Variants in PGM2L1 observed in about 807,000 individuals in gnomAD.
PGM2L1 encodes glucose 1,6-bisphosphate synthase.
Under a neutral mutation model 73.4 loss-of-function variants are expected in PGM2L1, and 35 were observed. The ratio of observed to expected loss-of-function variants is 0.48; its 90% CI spans 0.36 to 0.63. The LOEUF (loss-of-function observed/expected upper bound fraction) is 0.63, where lower values mean the gene tolerates loss of function less well. PGM2L1 is among the 30% of genes least tolerant of loss of function. PGM2L1 has a pLI of 0.00. For synonymous variants in PGM2L1, 225 were observed against 253.8 expected (o/e 0.89, Z 1.08); for missense variants, 570 against 742.0 (o/e 0.77, Z 2.69).
rs550696088 is a variant in PGM2L1 at position 74,389,304 on chromosome 11, A to C, written c.111+8747T>G. On this transcript the variant is annotated intron_variant, in intron 1 of 13. Transcript: ENST00000298198. Reference sequence around the variant, plus strand: ...AACCCTGAGCTAATGAAATATAATAAGATGTATATTCTTTTGTTAATTCAA... The same window carrying C: ...AACCCTGAGCTAATGAAATATAATACGATGTATATTCTTTTGTTAATTCAA... Among the ~76,000 whole-genome samples the C allele has an allele frequency of 2.6e-5, 4 of 152,346 alleles. No homozygotes were observed. In the South Asian group the frequency reaches 8.3e-4, roughly 32 times the overall value.
At chr11:74,356,877 A>T (rs1862465759) in intron 5 of PGM2L1, among the ~76,000 whole-genome samples, 1 of 151,980 alleles carries the variant, frequency 6.6e-6, no homozygotes, top group Admixed American at 6.6e-5. Flanking sequence ...CTTGTTGCCC[A>T]GGCTGGAGTG....
At chr11:74,353,440 T>A (rs972698795) in intron 5 of PGM2L1, among the ~76,000 whole-genome samples, 1 of 151,754 alleles carries the variant, frequency 6.6e-6, no homozygotes, top group Non-Finnish European at 1.5e-5. Context: ...CAGATAAACA[T>A]GTGAACAAGG....
chr11:74,354,690 T>C, intron 5 of PGM2L1: 1 of 1,101,358 alleles, frequency 9.1e-7, no homozygotes. Context: ...ATGGAAGAGT[T>C]GTGGAACCAA....
chr11:74,342,546 T>A lies in PGM2L1; in HGVS notation c.1547A>T (p.Tyr516Phe). The A allele has an allele frequency of 6.2e-7, 1 of 1,610,158 alleles. No individual in the cohort carries two copies. The highest frequency in any genetic ancestry group is 1.1e-5 in the South Asian group (1 of 90,292). ...AGCAAATGTTCCACAAAATTTTGGATATTCTTTTGGAGAATCAAAATTACG... is the reference window on the plus strand; with the variant it reads ...AGCAAATGTTCCACAAAATTTTGGAAATTCTTTTGGAGAATCAAAATTACG... ...RLRNFDSPKE[Y>F]PKFCGTFAIL... The change falls in exon 12 of 14, where the codon TAT becomes TTT. Residue 516 changes from tyrosine (Y) to phenylalanine (F), a missense_variant. Physicochemically the swap from Tyr to Phe is conservative, Grantham distance 22. Transcript: ENST00000298198.
At chr11:74,344,342 G>A (rs1862230738) in intron 9 of PGM2L1, among the ~76,000 whole-genome samples, 1 of 151,968 alleles carries the variant, frequency 6.6e-6, no homozygotes, top group African/African-American at 2.4e-5. Context: ...CATAACATAA[G>A]CTTGAACCAA....
rs71065081 is a variant in PGM2L1, at chr11:74,397,745, A to ATTTTTT, written c.111+300_111+305dup. ...TAGGGTATAACTTACAATGATGATGATTTTTTTTTTTTTTTTTTTGAAGAA... is the reference window on the plus strand; with the variant it reads ...TAGGGTATAACTTACAATGATGATGATTTTTTTTTTTTTTTTTTTTTTTTTGAAGAA... On this transcript the variant is annotated intron_variant, in intron 1 of 13. Transcript: ENST00000298198. The ATTTTTT allele has an allele frequency of 4.4e-3, 653 of 149,996 alleles. 18 individuals carry two copies. The highest frequency in any genetic ancestry group is 0.013 in the African/African-American group (480 of 36,766). The allele number at this position is 149,996 out of a possible 1,614,324, so 9.3% of individuals were successfully genotyped here.
At chr11:74,374,364 G>C (rs373908801) in intron 2 of PGM2L1, 51 bp downstream of exon 2, 3 of 1,438,502 alleles carry the variant, frequency 2.1e-6, no homozygotes, top group Middle Eastern at 1.8e-4. Context: ...TTACAGGCAT[G>C]AGCCACCATG....
intron 5 of PGM2L1, 37 bp downstream of exon 5, chr11:74,368,455 C>G (rs143622830): frequency 2.0e-6 from 3 of 1,515,588 alleles, no homozygotes; most frequent in African/African-American, 1.4e-5. Flanking sequence ...AAAAGATGAA[C>G]TATAAGATAA....
At chr11:74,337,954 G>T (rs904898520) in intron 13 of PGM2L1, among the ~76,000 whole-genome samples, 1 of 152,030 alleles carries the variant, frequency 6.6e-6, no homozygotes, top group South Asian at 2.1e-4. Flanking sequence ...GTATGTAAAT[G>T]TTCATAACAG....
At chr11:74,392,550 T>C (rs1863118091) in intron 1 of PGM2L1, among the ~76,000 whole-genome samples, 1 of 152,060 alleles carries the variant, frequency 6.6e-6, no homozygotes, top group Admixed American at 6.5e-5. Context: ...AAATAGTTTT[T>C]TTTTTTTTGA....
At chr11:74,338,637 G>A in intron 12 of PGM2L1, 36 bp from the exon 13 acceptor site, 1 of 1,535,546 alleles carries the variant, frequency 6.5e-7, no homozygotes, top group Non-Finnish European at 8.9e-7. Flanking sequence ...AATTATACTT[G>A]GCATCTTTTT....
chr11:74,366,024 A>G (rs1400903745), intron 5 of PGM2L1, among the ~76,000 whole-genome samples: 2 of 152,208 alleles, frequency 1.3e-5, no homozygotes, highest in Non-Finnish European at 1.5e-5. Flanking sequence ...ATGGAATACT[A>G]TGCAGCCATA....
chr11:74,356,867 C>G (rs1322578904), intron 5 of PGM2L1, among the ~76,000 whole-genome samples: 3 of 151,340 alleles, frequency 2.0e-5, no homozygotes, highest in African/African-American at 7.3e-5. Context: ...GAGTTTCGGT[C>G]TTGTTGCCCA....
At position 74,333,936 on chromosome 11, in the gene PGM2L1, C is replaced by G. The variant is rs1199530847; in HGVS notation, c.*2716G>C. 1 of 152,184 alleles carries G rather than the reference C, an allele frequency of 6.6e-6. No homozygotes were observed. The highest frequency in any genetic ancestry group is 6.5e-5 in the Admixed American group (1 of 15,278). 9.4% of individuals were successfully genotyped at this position (152,184 alleles called of 1,614,324 possible). Reference sequence around the variant, plus strand: ...AAGATAAACATTGTAGTGCCCGAGGCTGAGACCTCCTAGCCAGCACTTCTG... The same window carrying G: ...AAGATAAACATTGTAGTGCCCGAGGGTGAGACCTCCTAGCCAGCACTTCTG... On this transcript the variant is annotated 3_prime_UTR_variant, in exon 14 of 14. Coordinates refer to ENST00000298198, the MANE Select transcript of PGM2L1 (RefSeq NM_173582.6).
chr11:74,355,124 T>C (rs2134903456), intron 5 of PGM2L1: 1 of 1,319,242 alleles, frequency 7.6e-7, no homozygotes, highest in Admixed American at 1.7e-5. Flanking sequence ...GTGGTTGTGG[T>C]GGCTTTGGTG....
At position 74,333,305 on chromosome 11, in the gene PGM2L1, T is replaced by A. The variant is rs1386314433; in HGVS notation, c.*3347A>T. Reference sequence around the variant, plus strand: ...AAGATCCTTATTCCCTCTGGTTCTGTCTTCACTAGAGATGGAGAACACTAT... The same window carrying A: ...AAGATCCTTATTCCCTCTGGTTCTGACTTCACTAGAGATGGAGAACACTAT... On this transcript the variant is annotated 3_prime_UTR_variant, in exon 14 of 14. Transcript: ENST00000298198. The A allele has an allele frequency of 6.6e-6, 1 of 152,188 alleles. No individual in the cohort carries two copies. The allele number at this position is 152,188 out of a possible 1,614,324, so 9.4% of individuals were successfully genotyped here.
At chr11:74,374,352 G>C (rs1301342149) in intron 2 of PGM2L1, 63 bp downstream of exon 2, 5 of 1,381,922 alleles carry the variant, frequency 3.6e-6, no homozygotes, top group South Asian at 1.6e-5. Context: ...AAACTGCTGG[G>C]ATTACAGGCA....
chr11:74,340,019 A>C (rs1368280804), intron 12 of PGM2L1, among the ~76,000 whole-genome samples: 1 of 152,192 alleles, frequency 6.6e-6, no homozygotes, highest in African/African-American at 2.4e-5. Flanking sequence ...CAATTTCCCC[A>C]CTAGACTTTT....
intron 1 of PGM2L1, among the ~76,000 whole-genome samples, chr11:74,375,224 G>A (rs1044089278): frequency 6.6e-6 from 1 of 152,214 alleles, no homozygotes; most frequent in South Asian, 2.1e-4. Flanking sequence ...AATTAAGAAT[G>A]AGAATACAAA....
Sources: gnomAD v4.1 joint callset for allele counts (sites outside exome capture counted in the v4.1 genomes callset) on GRCh38, gnomAD v4.1.1 for gene constraint, MANE v1.5 for transcripts, NCBI Gene and HGNC (gene_info 2026-07-23, HGNC 2026-07-21) for gene names.